The following NOL4 variants were observed in gnomAD, a reference collection of about 807,000 sequenced individuals.
NOL4 encodes the protein nucleolar protein 4, also known as cancer/testis antigen 125.
Under a neutral mutation model 75.9 loss-of-function variants are expected in NOL4, and 17 were observed. The observed-to-expected ratio is 0.22, with a 90% CI of 0.15 to 0.34. NOL4 has a LOEUF of 0.34. Ranked by LOEUF, NOL4 falls within the 10% of genes least tolerant of loss-of-function variation. The probability of loss-of-function intolerance (pLI) is 1.00; values close to 1 mark genes in which losing one functional copy is unlikely to be tolerated. For missense variants in NOL4, 614 were observed against 793.5 expected (o/e 0.77, Z 2.72); for synonymous variants, 292 against 289.9 (o/e 1.01, Z -0.07).
intron 5 of NOL4, among the ~76,000 whole-genome samples, chr18:34,088,924 G>A (rs947515385): frequency 2.6e-5 from 4 of 151,876 alleles, no homozygotes; most frequent in African/African-American, 9.7e-5. Flanking sequence ...CTTCATTCAG[G>A]TTTGTGTCTT....
intron 5 of NOL4, among the ~76,000 whole-genome samples, chr18:34,075,989 A>T (rs11659949): frequency 1.3e-5 from 2 of 151,928 alleles, no homozygotes; most frequent in South Asian, 2.1e-4. Flanking sequence ...GGGAGTATAA[A>T]TTTTTTATAA....
At chr18:33,995,502 T>A (rs2073211723) in intron 6 of NOL4, among the ~76,000 whole-genome samples, 1 of 151,554 alleles carries the variant, frequency 6.6e-6, no homozygotes. Context: ...ATTGTCTCAA[T>A]AGACACACAA....
In NOL4 at chr18:33,933,245, C is replaced by T. The variant is rs78771503; in HGVS notation, c.1542+9820G>A. Among the ~76,000 whole-genome samples, 820 of 152,106 alleles carry T rather than the reference C, an allele frequency of 5.4e-3. 13 individuals carry two copies. The highest frequency in any genetic ancestry group is 0.019 in the African/African-American group (789 of 41,506). On this transcript the variant is annotated intron_variant, in intron 9 of 10. Transcript: ENST00000261592. Reference sequence around the variant, plus strand: ...CTTACCTTAAACAACAACATAAAACCGTTATTGCTTAAAAATGTTAACAAT... The same window carrying T: ...CTTACCTTAAACAACAACATAAAACTGTTATTGCTTAAAAATGTTAACAAT...
intron 6 of NOL4, among the ~76,000 whole-genome samples, chr18:33,979,925 T>A (rs2071813442): frequency 6.6e-6 from 1 of 152,050 alleles, no homozygotes; most frequent in African/African-American, 2.4e-5. Flanking sequence ...AGAAAGCAAT[T>A]TTAATGAATT....
At chr18:33,977,292 CT>C in intron 6 of NOL4, among the ~76,000 whole-genome samples, 1 of 152,254 alleles carries the variant, frequency 6.6e-6, no homozygotes, top group African/African-American at 2.4e-5. Flanking sequence ...CAAATCTCAT[CT>C]TGAATTGTAG....
chr18:34,015,253 G>A (rs978158477), intron 6 of NOL4, among the ~76,000 whole-genome samples: 1 of 151,876 alleles, frequency 6.6e-6, no homozygotes, highest in Non-Finnish European at 1.5e-5. Context: ...AGTCTCCTTC[G>A]CAATTAAAAT....
intron 5 of NOL4, among the ~76,000 whole-genome samples, chr18:34,037,803 C>T (rs2075975030): frequency 6.6e-6 from 1 of 151,952 alleles, no homozygotes; most frequent in African/African-American, 2.4e-5. Flanking sequence ...ATTATAAAAC[C>T]ACTGTAAGGA....
intron 1 of NOL4, among the ~76,000 whole-genome samples, chr18:34,154,025 G>A (rs1013351759): frequency 5.9e-5 from 9 of 151,944 alleles, no homozygotes; most frequent in African/African-American, 2.2e-4. Flanking sequence ...GCCAAAAGGA[G>A]TCAGACATGT....
chr18:34,008,592 T>C (rs919748384), intron 6 of NOL4, among the ~76,000 whole-genome samples: 1 of 151,984 alleles, frequency 6.6e-6, no homozygotes, highest in African/African-American at 2.4e-5. Flanking sequence ...TACGTGAAGT[T>C]TGCACATTGT....
chr18:34,069,453 G>A (rs1410648400), intron 5 of NOL4, among the ~76,000 whole-genome samples: 1 of 152,094 alleles, frequency 6.6e-6, no homozygotes, highest in African/African-American at 2.4e-5. Context: ...CTCAAAAGAG[G>A]AGAAGAGAGA....
chr18:33,963,784 C>A (rs1366483072), intron 6 of NOL4, among the ~76,000 whole-genome samples: 1 of 152,130 alleles, frequency 6.6e-6, no homozygotes, highest in Non-Finnish European at 1.5e-5. Flanking sequence ...CAAATTTTCC[C>A]ATCCCAATAG....
At chr18:33,930,900 T>C (rs545796101) in intron 9 of NOL4, among the ~76,000 whole-genome samples, 1 of 152,282 alleles carries the variant, frequency 6.6e-6, no homozygotes, top group South Asian at 2.1e-4. Flanking sequence ...TTAGAAATCA[T>C]ATGTGACTCA....
rs538785464 is a variant in NOL4, at chr18:33,987,282, A to G, written c.1057-28864T>C. On this transcript the variant is annotated intron_variant, in intron 6 of 10. Transcript: ENST00000261592. ...GACCGTGATCATGATCGGAGCTTGG[A>G]AAGTACATCATACAGCAGTTGGAAA... Among the ~76,000 whole-genome samples, 3 of 152,174 alleles carry G rather than the reference A, an allele frequency of 2.0e-5. No individual in the cohort carries two copies. The East Asian group carries it at 5.8e-4, about 30-fold the overall frequency.
chr18:34,168,047 T>C (rs2032604049), intron 1 of NOL4, among the ~76,000 whole-genome samples: 1 of 152,016 alleles, frequency 6.6e-6, no homozygotes, highest in African/African-American at 2.4e-5. Flanking sequence ...TTAATATCTT[T>C]TTTTCTTGAT....
chr18:34,197,220 AG>A (rs1219112191), intron 1 of NOL4, among the ~76,000 whole-genome samples: 1 of 152,024 alleles, frequency 6.6e-6, no homozygotes, highest in African/African-American at 2.4e-5. Context: ...GAAAACTGAA[AG>A]CTATGATCTT....
chr18:34,177,851 A>C (rs1283285425), intron 1 of NOL4, among the ~76,000 whole-genome samples: 1 of 151,966 alleles, frequency 6.6e-6, no homozygotes, highest in Non-Finnish European at 1.5e-5. Context: ...ACTAAAAGAA[A>C]TGATGAAGGA....
intron 8 of NOL4, among the ~76,000 whole-genome samples, chr18:33,951,467 G>A (rs537444887): frequency 1.7e-3 from 252 of 152,080 alleles, no homozygotes; most frequent in African/African-American, 5.6e-3. Context: ...TAAAAAAAAT[G>A]TATACTGTTT....
chr18:33,938,878 T>C (rs1045882944), intron 9 of NOL4, among the ~76,000 whole-genome samples: 5 of 152,170 alleles, frequency 3.3e-5, no homozygotes, highest in African/African-American at 1.2e-4. Flanking sequence ...TGGTATTTCC[T>C]AGATTTTCTT....
intron 5 of NOL4, among the ~76,000 whole-genome samples, chr18:34,076,503 A>G (rs1391814998): frequency 6.6e-6 from 1 of 152,164 alleles, no homozygotes; most frequent in Admixed American, 6.6e-5. Context: ...ACTTGAAAGA[A>G]CGATGAAAAT....
Sources: gnomAD v4.1 joint callset for allele counts (sites outside exome capture counted in the v4.1 genomes callset) on GRCh38, gnomAD v4.1.1 for gene constraint, MANE v1.5 for transcripts, NCBI Gene and HGNC (gene_info 2026-07-23, HGNC 2026-07-21) for gene names.